The following ZNF385D variants were observed in gnomAD, a reference collection of about 807,000 sequenced individuals.
The protein encoded by ZNF385D is zinc finger protein 659.
ZNF385D carries 15 observed loss-of-function variants against 35.8 expected under a neutral mutation model. The observed-to-expected ratio is 0.42, with a 90% confidence interval of 0.28 to 0.64. ZNF385D has a LOEUF of 0.64. Among genes scored for constraint, ZNF385D ranks in the 30% least tolerant of loss-of-function variants. The pLI is 0.23. For synonymous variants in ZNF385D, 212 were observed against 186.8 expected, an observed-to-expected ratio of 1.13 and a Z score of -1.10; for missense variants, 474 against 494.6, an observed-to-expected ratio of 0.96 and a Z score of 0.39.
intron 1 of ZNF385D, among the ~76,000 whole-genome samples, chr3:21,685,122 C>T (rs971820153): frequency 6.6e-6 from 1 of 152,136 alleles, no homozygotes; most frequent in Non-Finnish European, 1.5e-5. Flanking sequence ...AAAATCCTGG[C>T]CCATACAGGT....
chr3:21,804,627 C>A (rs1444102307), intron 3 of ZNF385D, among the ~76,000 whole-genome samples: 1 of 152,154 alleles, frequency 6.6e-6, no homozygotes, highest in Admixed American at 6.5e-5. Context: ...CTTCCTTCTA[C>A]TTAAGAGCTA....
chr3:21,564,159 C>T (rs531790701), intron 3 of ZNF385D, among the ~76,000 whole-genome samples: 1 of 151,986 alleles, frequency 6.6e-6, no homozygotes, highest in South Asian at 2.1e-4. Flanking sequence ...GGCCTCCATT[C>T]CAGGCAAAAA....
At position 21,881,188 on chromosome 3, in the gene ZNF385D, AAAC is replaced by A. The variant is rs536062188; in HGVS notation, c.326-216163_326-216161del. On this transcript the variant is annotated intron_variant, in intron 3 of 5. Coordinates refer to the ZNF385D transcript ENST00000494108. ...TACACAACAGATTCTCAGTGTAGAC[AAAC>A]AGCCTTACATTGAAAGAGGATGTCA... Among the ~76,000 whole-genome samples, 34 of 151,896 alleles carry A rather than the reference AAAC, an allele frequency of 2.2e-4. 1 individual carries two copies. Among genetic ancestry groups the A allele is most frequent in the African/African-American group, 6.5e-4 (27 of 41,526 alleles).
intron 1 of ZNF385D, among the ~76,000 whole-genome samples, chr3:21,670,887 T>C (rs528585700): frequency 5.3e-5 from 8 of 151,770 alleles, no homozygotes; most frequent in Non-Finnish European, 1.2e-4. Flanking sequence ...ACAAAAAAAA[T>C]GGACCAGCAT....
intron 2 of ZNF385D, among the ~76,000 whole-genome samples, chr3:21,662,477 A>G (rs1221129019): frequency 6.6e-6 from 1 of 152,178 alleles, no homozygotes; most frequent in Non-Finnish European, 1.5e-5. Context: ...ATGGCAGTAA[A>G]AATTACGTTT....
chr3:22,351,492 G>C (rs940168907), intron 2 of ZNF385D, among the ~76,000 whole-genome samples: 1 of 152,024 alleles, frequency 6.6e-6, no homozygotes, highest in African/African-American at 2.4e-5. Flanking sequence ...AATACTTTAA[G>C]GGTATTTTCC....
At chr3:21,708,746 T>G (rs2067995462) in intron 1 of ZNF385D, among the ~76,000 whole-genome samples, 2 of 152,280 alleles carry the variant, frequency 1.3e-5, no homozygotes, top group African/African-American at 4.8e-5. Flanking sequence ...AGCAATACAT[T>G]TAGTTTTCTA....
chr3:22,317,285 A>G (rs1379292866), intron 2 of ZNF385D, among the ~76,000 whole-genome samples: 3 of 147,368 alleles, frequency 2.0e-5, no homozygotes, highest in Admixed American at 6.7e-5. Flanking sequence ...ATCTCCAAAA[A>G]AAAAAAAAAA....
chr3:22,258,763 T>C lies in ZNF385D; in HGVS notation c.107-89728A>G, dbSNP rs544982913. Among the ~76,000 whole-genome samples, 500 of 151,834 alleles carry C rather than the reference T, an allele frequency of 3.3e-3. 3 individuals carry two copies. The highest frequency in any genetic ancestry group is 0.012 in the African/African-American group (487 of 41,520). On this transcript the variant is annotated intron_variant, in intron 2 of 5. Transcript: ENST00000494108. ...ATTTATTTAAAAATATAATTATAGA[T>C]TATTTGCATGTTAAAATAACATGTT...
intron 3 of ZNF385D, among the ~76,000 whole-genome samples, chr3:22,153,062 T>A (rs1705348524): frequency 6.6e-6 from 1 of 152,166 alleles, no homozygotes; most frequent in African/African-American, 2.4e-5. Flanking sequence ...GGAGAGCTGA[T>A]GGTTAAAACT....
intron 3 of ZNF385D, among the ~76,000 whole-genome samples, chr3:22,025,748 G>A (rs967116577): frequency 2.6e-5 from 4 of 152,132 alleles, no homozygotes; most frequent in African/African-American, 9.7e-5. Flanking sequence ...TGGTGGAGTG[G>A]GTTAATCGCT....
chr3:21,761,267 G>C (rs1398892354), intron 3 of ZNF385D, among the ~76,000 whole-genome samples: 1 of 152,188 alleles, frequency 6.6e-6, no homozygotes, highest in African/African-American at 2.4e-5. Flanking sequence ...CATCAGCTGA[G>C]CAACTCCCAA....
At chr3:21,940,215 A>G (rs1285629998) in intron 3 of ZNF385D, among the ~76,000 whole-genome samples, 1 of 152,060 alleles carries the variant, frequency 6.6e-6, no homozygotes, top group African/African-American at 2.4e-5. Context: ...TATGAAAAAA[A>G]TTTTAAGTGT....
At chr3:21,630,481 A>G (rs2065250552) in intron 2 of ZNF385D, among the ~76,000 whole-genome samples, 1 of 152,072 alleles carries the variant, frequency 6.6e-6, no homozygotes, top group East Asian at 1.9e-4. Flanking sequence ...CTGGGAAAAC[A>G]AGCGTGAGCC....
At chr3:21,789,396 G>A (rs17563952) in intron 3 of ZNF385D, among the ~76,000 whole-genome samples, 10,829 of 152,230 alleles carry the variant, frequency 0.071, 542 homozygotes, top group South Asian at 0.12. Flanking sequence ...GTACTTGGGA[G>A]TGGGGAGATC....
chr3:21,626,474 T>C (rs1315280113), intron 2 of ZNF385D, among the ~76,000 whole-genome samples: 1 of 152,128 alleles, frequency 6.6e-6, no homozygotes, highest in Non-Finnish European at 1.5e-5. Flanking sequence ...TAATATTTGG[T>C]TCTGATCTGT....
At chr3:22,002,321 C>G (rs1253420954) in intron 3 of ZNF385D, among the ~76,000 whole-genome samples, 1 of 152,034 alleles carries the variant, frequency 6.6e-6, no homozygotes, top group Non-Finnish European at 1.5e-5. Context: ...CAAGTATATG[C>G]TAACAAATTG....
At chr3:22,091,730 A>G (rs774558281) in intron 3 of ZNF385D, among the ~76,000 whole-genome samples, 2 of 152,180 alleles carry the variant, frequency 1.3e-5, no homozygotes, top group Non-Finnish European at 2.9e-5. Context: ...AGGCTGCACC[A>G]TATGGTAAAT....
At chr3:21,775,206 A>T (rs1037621187) in intron 3 of ZNF385D, among the ~76,000 whole-genome samples, 2 of 151,852 alleles carry the variant, frequency 1.3e-5, no homozygotes, top group Non-Finnish European at 2.9e-5. Context: ...GGCTTTGAGT[A>T]TCTTTTGCTT....
Sources: gnomAD v4.1 joint callset for allele counts (sites outside exome capture counted in the v4.1 genomes callset) on GRCh38, gnomAD v4.1.1 for gene constraint, MANE v1.5 for transcripts, NCBI Gene and HGNC (gene_info 2026-07-23, HGNC 2026-07-21) for gene names.